HEATR4: variants seen among roughly 807,000 people sequenced by gnomAD.
HEATR4 encodes the protein HEAT repeat-containing protein 4.
HEATR4 carries 95 observed loss-of-function variants against 108.8 expected under a neutral mutation model. The ratio of observed to expected loss-of-function variants is 0.87; its 90% CI spans 0.74 to 1.04. The LOEUF is 1.04. Among genes scored for constraint, HEATR4 ranks in the 50% least tolerant of loss-of-function variants. HEATR4 has a pLI of 0.00. For synonymous variants in HEATR4, 443 were observed against 459.4 expected, an observed-to-expected ratio of 0.96 and a Z score of 0.46; for missense variants, 1,152 against 1,253.8, an observed-to-expected ratio of 0.92 and a Z score of 1.23.
the HEATR4 span, among the ~76,000 whole-genome samples, chr14:73,583,092 C>T: frequency 6.6e-6 from 1 of 151,968 alleles, no homozygotes; most frequent in Non-Finnish European, 1.5e-5. Flanking sequence ...ACCTATAATC[C>T]CAGCACTTTG....
intron 1 of HEATR4, among the ~76,000 whole-genome samples, chr14:73,540,065 A>G (rs1229575694): frequency 8.3e-6 from 1 of 120,222 alleles, no homozygotes; most frequent in African/African-American, 2.7e-5. Context: ...TACATTTCAC[A>G]CCCTCAGAAG....
the HEATR4 span, among the ~76,000 whole-genome samples, chr14:73,593,114 G>A: frequency 1.3e-5 from 2 of 152,176 alleles, no homozygotes; most frequent in African/African-American, 2.4e-5. Context: ...GTCTTCTCTA[G>A]TGTTCTAGGC....
the HEATR4 span, among the ~76,000 whole-genome samples, chr14:73,606,128 T>C: frequency 6.6e-6 from 1 of 152,002 alleles, no homozygotes; most frequent in African/African-American, 2.4e-5. Flanking sequence ...CCATAAAAAC[T>C]GTAATCCTCC....
intron 1 of HEATR4, among the ~76,000 whole-genome samples, chr14:73,540,399 G>C (rs60612595): frequency 0.16 from 10,597 of 67,868 alleles, 1,276 homozygotes; most frequent in African/African-American, 0.32. Flanking sequence ...ACTACAGCTA[G>C]AAGAATCAAC....
the HEATR4 span, among the ~76,000 whole-genome samples, chr14:73,592,735 C>T: frequency 6.6e-6 from 1 of 152,156 alleles, no homozygotes; most frequent in African/African-American, 2.4e-5. Context: ...CGCCTGTAGT[C>T]CCAGCCACTC....
At chr14:73,481,227 T>G (rs1301111376) in intron 17 of HEATR4, among the ~76,000 whole-genome samples, 1 of 151,786 alleles carries the variant, frequency 6.6e-6, no homozygotes, top group African/African-American at 2.4e-5. Flanking sequence ...TCACTTGAGG[T>G]CAGGAGTTTG....
At chr14:73,603,333 C>T in the HEATR4 span, among the ~76,000 whole-genome samples, 1 of 152,000 alleles carries the variant, frequency 6.6e-6, no homozygotes, top group Non-Finnish European at 1.5e-5. Flanking sequence ...TTGCATTTTA[C>T]CAATAATCTG....
At chr14:73,488,273 C>T (rs1885529026) in intron 17 of HEATR4, among the ~76,000 whole-genome samples, 1 of 152,100 alleles carries the variant, frequency 6.6e-6, no homozygotes, top group Non-Finnish European at 1.5e-5. Flanking sequence ...CTCACAAGAT[C>T]TGGTTGCTTT....
chr14:73,529,354 CAAAA>C (rs10605851), intron 2 of HEATR4, among the ~76,000 whole-genome samples: 10 of 87,446 alleles, frequency 1.1e-4, no homozygotes, highest in African/African-American at 3.2e-4. Context: ...GACTCTGTCT[CAAAA>C]AAAAAAAAAA....
upstream of HEATR4, among the ~76,000 whole-genome samples, chr14:73,563,274 G>A (rs1337849270): frequency 2.0e-5 from 3 of 152,110 alleles, no homozygotes; most frequent in East Asian, 5.8e-4. Flanking sequence ...ATAGTTTAAT[G>A]GGTAAAGACT....
At chr14:73,624,473 C>T in the HEATR4 span, among the ~76,000 whole-genome samples, 15 of 151,836 alleles carry the variant, frequency 9.9e-5, no homozygotes, top group African/African-American at 3.6e-4. Context: ...GCAGTGGTAC[C>T]CACTTGTAGT....
chr14:73,590,048 T>C, the HEATR4 span, among the ~76,000 whole-genome samples: 7 of 152,282 alleles, frequency 4.6e-5, no homozygotes, highest in East Asian at 1.4e-3. Flanking sequence ...GAGCTACCTT[T>C]ATTACAAAAC....
intron 10 of HEATR4, among the ~76,000 whole-genome samples, chr14:73,505,833 T>C (rs1016211810): frequency 1.4e-4 from 22 of 151,790 alleles, no homozygotes; most frequent in African/African-American, 4.8e-4. Context: ...GGGAAATATG[T>C]CATTGACTGA....
intron 17 of HEATR4, among the ~76,000 whole-genome samples, chr14:73,481,300 G>T (rs1885246275): frequency 6.6e-6 from 1 of 151,792 alleles, no homozygotes; most frequent in Non-Finnish European, 1.5e-5. Context: ...TTAGCGGGGG[G>T]TGGCGGTGCA....
intron 2 of HEATR4, among the ~76,000 whole-genome samples, chr14:73,528,258 G>A (rs1449552042): frequency 1.5e-4 from 23 of 151,964 alleles, no homozygotes; most frequent in Admixed American, 1.5e-3. Context: ...TAGCGGGTGT[G>A]GTGGTGGGCA....
At chr14:73,589,121 G>A in the HEATR4 span, among the ~76,000 whole-genome samples, 3 of 150,870 alleles carry the variant, frequency 2.0e-5, no homozygotes, top group African/African-American at 5.0e-5. Context: ...TTGCTTTAGG[G>A]TTCGTTTGTT....
chr14:73,576,494 C>G, the HEATR4 span, among the ~76,000 whole-genome samples: 1 of 151,782 alleles, frequency 6.6e-6, no homozygotes, highest in Non-Finnish European at 1.5e-5. Context: ...TTAACAATGA[C>G]AAATGTGAAG....
the HEATR4 span, chr14:73,612,812 C>G: frequency 2.1e-6 from 3 of 1,424,634 alleles, no homozygotes; most frequent in Non-Finnish European, 2.8e-6. Flanking sequence ...CATGGGGCTG[C>G]TGTGGGCGTT....
chr14:73,601,012 G>A, the HEATR4 span, among the ~76,000 whole-genome samples: 5 of 151,250 alleles, frequency 3.3e-5, no homozygotes, highest in Non-Finnish European at 7.4e-5. Context: ...GTGGTGGTGC[G>A]TGCCTGTAAT....
Sources: gnomAD v4.1 joint callset for allele counts (sites outside exome capture counted in the v4.1 genomes callset) on GRCh38, gnomAD v4.1.1 for gene constraint, MANE v1.5 for transcripts, NCBI Gene and HGNC (gene_info 2026-07-23, HGNC 2026-07-21) for gene names.